Variants in VWA3B observed in about 807,000 individuals in gnomAD.
VWA3B encodes von Willebrand factor A domain containing 3B.
A neutral mutation model predicts 158.3 loss-of-function variants in VWA3B; 138 were observed. That is an observed-to-expected ratio of 0.87 (90% CI 0.76 to 1.00). VWA3B has a LOEUF of 1.00. VWA3B is among the 50% of genes least tolerant of loss of function. The pLI is 0.00. For synonymous variants in VWA3B, 596 were observed against 587.3 expected (o/e 1.01, Z -0.21); for missense variants, 1,555 against 1,565.1 (o/e 0.99, Z 0.11).
intron 14 of VWA3B, among the ~76,000 whole-genome samples, chr2:98,227,208 A>G (rs1444247533): frequency 6.6e-6 from 1 of 152,232 alleles, no homozygotes; most frequent in South Asian, 2.1e-4. Flanking sequence ...CTCAGAATAT[A>G]AATTCAATGT....
chr2:98,134,009 A>C, intron 7 of VWA3B, 70 bp downstream of exon 7: 1 of 1,316,782 alleles, frequency 7.6e-7, no homozygotes, highest in East Asian at 2.3e-5. Context: ...GATCATTAGG[A>C]AGTAAAGTAC....
intron 9 of VWA3B, among the ~76,000 whole-genome samples, chr2:98,186,339 C>G (rs1372767642): frequency 1.3e-5 from 2 of 151,940 alleles, no homozygotes; most frequent in Non-Finnish European, 2.9e-5. Flanking sequence ...TGGTCTCCTC[C>G]AGTCCCATGG....
intron 6 of VWA3B, 39 bp downstream of exon 6, chr2:98,128,447 T>C: frequency 1.2e-6 from 2 of 1,601,532 alleles, no homozygotes; most frequent in Non-Finnish European, 1.7e-6. Context: ...AGCAAGCGGG[T>C]TGCCTGCTCA....
At chr2:98,148,780 C>G (rs1181884540) in intron 7 of VWA3B, among the ~76,000 whole-genome samples, 9 of 152,194 alleles carry the variant, frequency 5.9e-5, no homozygotes, top group Non-Finnish European at 1.3e-4. Context: ...TTATATTCTT[C>G]TATATGACAC....
chr2:98,269,558 C>G (rs1574244336), intron 21 of VWA3B: 1 of 152,208 alleles, frequency 6.6e-6, no homozygotes, highest in East Asian at 1.9e-4. Context: ...GCATTCCACT[C>G]TCTTCTCCAA....
rs748078067 is a variant in VWA3B, at chr2:98,218,006, C to T, written c.1997C>T (p.Pro666Leu). The change falls in exon 14 of 28, where the codon CCC (proline) becomes CTC (leucine). Residue 666 changes from proline (P) to leucine (L), a missense_variant. Physicochemically the swap from Pro to Leu is moderately conservative, Grantham distance 98. Transcript: ENST00000477737. ...TTTTATAATTTTGGTTGCAAGGATCCCACTCCCCCAGAGGCTGTTCAGGTA... is the reference window on the plus strand; with the variant it reads ...TTTTATAATTTTGGTTGCAAGGATCTCACTCCCCCAGAGGCTGTTCAGGTA... ...FHFYNFGCKD[P>L]TPPEAVQNED... The T allele has an allele frequency of 6.2e-7, 1 of 1,610,806 alleles. No homozygotes were observed. The highest frequency in any genetic ancestry group is 1.3e-5 in the African/African-American group (1 of 74,640).
intron 2 of VWA3B, among the ~76,000 whole-genome samples, chr2:98,104,839 T>C (rs1683324720): frequency 6.6e-6 from 1 of 152,232 alleles, no homozygotes; most frequent in African/African-American, 2.4e-5. Context: ...CCTTAACTTG[T>C]TACAGTCCAC....
chr2:98,224,759 A>AT (rs797001684), intron 14 of VWA3B, among the ~76,000 whole-genome samples: 2 of 151,818 alleles, frequency 1.3e-5, no homozygotes, highest in African/African-American at 4.8e-5. Flanking sequence ...GAATTAAAAA[A>AT]AAAAAAAGAA....
chr2:98,243,682 C>T lies in VWA3B; in HGVS notation c.2674-6636C>T, dbSNP rs910143805. ...GTTTATGAATGATCTTACTGACATG[C>T]GATTTGGCCAGCTGTTTTGTGGCCC... On this transcript the variant is annotated intron_variant, in intron 19 of 27. Transcript: ENST00000477737. 1.3e-5 allele frequency among the ~76,000 whole-genome samples: 2 copies of T among 152,124 alleles called. 1 individual carries two copies. Among genetic ancestry groups the T allele is most frequent in the South Asian group, 4.1e-4 (2 of 4,830 alleles).
chr2:98,282,432 CTTTTT>C (rs759230723), intron 22 of VWA3B, among the ~76,000 whole-genome samples: 41 of 124,878 alleles, frequency 3.3e-4, no homozygotes, highest in Non-Finnish European at 4.3e-4. Flanking sequence ...ACATGAATTA[CTTTTT>C]TTTTTTTTTT....
intron 8 of VWA3B, among the ~76,000 whole-genome samples, chr2:98,175,153 G>A (rs1013451206): frequency 1.3e-5 from 2 of 151,968 alleles, no homozygotes; most frequent in African/African-American, 2.4e-5. Flanking sequence ...CCATACAAAG[G>A]AAAAAAAGCA....
chr2:98,330,172 C>T, the VWA3B span, among the ~76,000 whole-genome samples: 57 of 152,192 alleles, frequency 3.7e-4, no homozygotes, highest in African/African-American at 1.3e-3. Context: ...AGGGGATATT[C>T]TAATGCTAGA....
intron 19 of VWA3B, among the ~76,000 whole-genome samples, chr2:98,245,793 A>G (rs1417670934): frequency 6.6e-6 from 1 of 152,126 alleles, no homozygotes; most frequent in Non-Finnish European, 1.5e-5. Flanking sequence ...AGGGACTTTC[A>G]TTTTGTTGAG....
At chr2:98,285,376 T>A (rs1360393811) in intron 22 of VWA3B, among the ~76,000 whole-genome samples, 1 of 152,184 alleles carries the variant, frequency 6.6e-6, no homozygotes, top group Non-Finnish European at 1.5e-5. Context: ...TTTATTATTA[T>A]GAATAATGCT....
chr2:98,187,205 T>C (rs922660032), intron 9 of VWA3B, among the ~76,000 whole-genome samples: 3 of 152,144 alleles, frequency 2.0e-5, no homozygotes, highest in African/African-American at 4.8e-5. Flanking sequence ...CTGCTCTTCC[T>C]CCTTGCCTTC....
intron 12 of VWA3B, among the ~76,000 whole-genome samples, chr2:98,208,170 T>G (rs1163741987): frequency 6.6e-6 from 1 of 152,052 alleles, no homozygotes; most frequent in African/African-American, 2.4e-5. Context: ...ATAATATTAA[T>G]ATACTTATTT....
the VWA3B span, among the ~76,000 whole-genome samples, chr2:98,327,089 G>A: frequency 6.6e-6 from 1 of 151,632 alleles, no homozygotes; most frequent in Non-Finnish European, 1.5e-5. Flanking sequence ...GAATCCAGGA[G>A]TTTGAGACCA....
chr2:98,255,687 A>G (rs1334363419), intron 20 of VWA3B, among the ~76,000 whole-genome samples: 2 of 152,058 alleles, frequency 1.3e-5, no homozygotes, highest in East Asian at 3.9e-4. Context: ...CTTGATCTCT[A>G]AAGTGTGTCC....
intron 7 of VWA3B, among the ~76,000 whole-genome samples, chr2:98,146,696 C>T (rs17426403): frequency 0.087 from 13,289 of 152,258 alleles, 756 homozygotes; most frequent in East Asian, 0.16. Context: ...CTCAGCTGTT[C>T]TCCATAGCCC....
Sources: allele counts gnomAD v4.1 joint callset (sites outside exome capture counted in the v4.1 genomes callset), GRCh38; gene constraint gnomAD v4.1.1; transcripts MANE v1.5; gene names NCBI Gene and HGNC (gene_info 2026-07-23, HGNC 2026-07-21).